Variants in SYNE2 observed in about 807,000 individuals in gnomAD.
The protein encoded by SYNE2 is spectrin repeat containing nuclear envelope protein 2.
In SYNE2, 431 loss-of-function variants were observed where a neutral mutation model predicts 856.3. The observed-to-expected ratio is 0.50, with a 90% confidence interval of 0.47 to 0.55. SYNE2 has a LOEUF of 0.55. SYNE2 is among the 20% of genes least tolerant of loss of function. The pLI, the probability that SYNE2 is intolerant of heterozygous loss-of-function variation, is 0.00. For missense variants in SYNE2, 8,129 were observed against 8,023.2 expected (o/e 1.01, Z -0.50); for synonymous variants, 2,923 against 2,872.3 (o/e 1.02, Z -0.56).
intron 99 of SYNE2, among the ~76,000 whole-genome samples, chr14:64,198,304 T>A (rs1220427315): frequency 6.6e-6 from 1 of 152,226 alleles, no homozygotes; most frequent in Admixed American, 6.5e-5. Context: ...TTTCCAGATA[T>A]TAACTTGAGA....
chr14:63,763,210 C>T (rs1351043200), intron 1 of SYNE2, among the ~76,000 whole-genome samples: 3 of 152,118 alleles, frequency 2.0e-5, no homozygotes, highest in African/African-American at 4.8e-5. Flanking sequence ...TCAGGTGATC[C>T]GCCTGCCTCG....
intron 71 of SYNE2, among the ~76,000 whole-genome samples, chr14:64,126,077 A>G (rs1453299920): frequency 3.3e-5 from 5 of 152,148 alleles, no homozygotes; most frequent in Non-Finnish European, 7.3e-5. Flanking sequence ...TCATCTCATG[A>G]TTTACCTTTT....
Position 63,941,925 on chromosome 14 carries a change from A to C in SYNE2, c.278A>C (p.Asn93Thr). 1 of 1,613,314 alleles carries C rather than the reference A, an allele frequency of 6.2e-7. No homozygotes were observed. Among genetic ancestry groups the C allele is most frequent in the Non-Finnish European group, 8.5e-7 (1 of 1,179,970 alleles). The change falls in exon 5 of 116, where the codon AAT becomes ACT. Residue 93 changes from asparagine (N) to threonine (T), a missense_variant. This residue lies in a region of SYNE2 where 2,422 missense variants were observed against 2,357.4 expected (regional missense o/e 1.03). Coordinates refer to ENST00000555002, the MANE Select transcript of SYNE2 (RefSeq NM_182914.3). The stretch of plus-strand genomic sequence containing the variant: ...TCTAATACCTTCCAGTGTAGAATCA[A>C]TATAGAACATGCCTTGACATTCCTA... Reference protein sequence around the residue: ...KGSNTFQCRINIEHALTFLRN... With the variant: ...KGSNTFQCRITIEHALTFLRN...
At position 64,214,261 on chromosome 14, in the gene SYNE2, C is replaced by A; in HGVS notation, c.19124C>A (p.Thr6375Asn). The change falls in exon 106 of 116, where the codon ACT becomes AAT. Residue 6375 changes from threonine (T) to asparagine (N), a missense_variant. Coordinates refer to ENST00000555002, the MANE Select transcript of SYNE2 (RefSeq NM_182914.3). ...ATGGAAGACCCCAGAGAAATCCAGACTGATTCTTGGCGTAAACGGGGAGAG... is the reference window on the plus strand; with the variant it reads ...ATGGAAGACCCCAGAGAAATCCAGAATGATTCTTGGCGTAAACGGGGAGAG... ...TDMEDPREIQTDSWRKRGESE... is the reference protein window; with the variant it reads ...TDMEDPREIQNDSWRKRGESE... 6.2e-7 allele frequency: 1 copy of A among 1,614,072 alleles called. No homozygotes were observed.
Position 63,963,984 on chromosome 14 carries a change from A to G in SYNE2, c.974A>G (p.Tyr325Cys), listed in dbSNP as rs886955553. 1 of 1,598,384 alleles carries G rather than the reference A, an allele frequency of 6.3e-7. No homozygotes were observed. The highest frequency in any genetic ancestry group is 8.6e-7 in the Non-Finnish European group (1 of 1,166,318). ...CTAAAGGATTCAGAGAATGATACCT[A>G]CTTTAAAAAGTATAATGTAAGTATG... ...KLLKDSENDT[Y>C]FKKYNSLLSF... The change falls in exon 10 of 116, where the codon TAC becomes TGC. Residue 325 changes from tyrosine (Y) to cysteine (C), a missense_variant. Tyr to Cys is a radical substitution (Grantham distance 194). This residue lies in a region of SYNE2 where 2,422 missense variants were observed against 2,357.4 expected (regional missense o/e 1.03). Coordinates refer to ENST00000555002, the MANE Select transcript of SYNE2 (RefSeq NM_182914.3).
intron 1 of SYNE2, chr14:63,808,488 C>CAAAAAAAAAAA (rs1888475856): frequency 1.3e-5 from 2 of 152,588 alleles, no homozygotes; most frequent in Admixed American, 1.3e-4. Flanking sequence ...GACTCTGTCT[C>CAAAAAAAAAAA]AAAAACAAAC....
intron 1 of SYNE2, among the ~76,000 whole-genome samples, chr14:63,785,999 C>T (rs190152618): frequency 1.3e-3 from 201 of 152,218 alleles, no homozygotes; most frequent in African/African-American, 3.6e-3. Flanking sequence ...GCCTGTAATC[C>T]CAGCACTTTG....
At chr14:64,089,137 G>T (rs1246537202) in intron 58 of SYNE2, among the ~76,000 whole-genome samples, 3 of 151,966 alleles carry the variant, frequency 2.0e-5, no homozygotes, top group Non-Finnish European at 4.4e-5. Flanking sequence ...AGGCCGAGGC[G>T]GGTGGATCAC....
chr14:64,054,860 A>G (rs2097256781), intron 48 of SYNE2, among the ~76,000 whole-genome samples: 1 of 152,238 alleles, frequency 6.6e-6, no homozygotes, highest in East Asian at 1.9e-4. Flanking sequence ...AAGAGTTATT[A>G]TGAGATACTA....
chr14:63,819,815 C>T (rs893068635), intron 1 of SYNE2, among the ~76,000 whole-genome samples: 35 of 372 alleles, frequency 0.094, no homozygotes, highest in Non-Finnish European at 0.13. Flanking sequence ...GGATTACAGG[C>T]GTGAGCACCG....
rs1427810701 is a variant in SYNE2 at position 63,783,385 on chromosome 14, C to G, written c.-305+21399C>G. ...CCAGTCTCGGGCACTTCTTCTTCTTCTTTTTTTTCTGAGACTGAGTCTTGC... is the reference window on the plus strand; with the variant it reads ...CCAGTCTCGGGCACTTCTTCTTCTTGTTTTTTTTCTGAGACTGAGTCTTGC... On this transcript the variant is annotated intron_variant, in intron 1 of 23. Coordinates refer to the SYNE2 transcript ENST00000674003. Among the ~76,000 whole-genome samples the G allele has an allele frequency of 2.0e-5, 3 of 151,746 alleles. No individual in the cohort carries two copies. The East Asian group carries it at 5.8e-4, about 29-fold the overall frequency.
At position 63,978,955 on chromosome 14, in the gene SYNE2, A is replaced by G. The variant is rs1191054675; in HGVS notation, c.1510A>G (p.Ile504Val). The change falls in exon 14 of 116, where the codon ATT becomes GTT. Residue 504 changes from isoleucine to valine, a missense_variant. Ile to Val is a conservative substitution (Grantham distance 29). This residue lies in a region of SYNE2 where 2,422 missense variants were observed against 2,357.4 expected (regional missense o/e 1.03). Coordinates refer to ENST00000555002, the MANE Select transcript of SYNE2 (RefSeq NM_182914.3). ...AGATGAAGTGAAATCAAAATTGGAT[A>G]TTTGGAACATTAAATATGGGAGCAG... ...LVDEVKSKLD[I>V]WNIKYGSRES... The G allele has an allele frequency of 6.2e-7, 1 of 1,613,706 alleles. No homozygotes were observed. The highest frequency in any genetic ancestry group is 8.5e-7 in the Non-Finnish European group (1 of 1,179,830).
At chr14:63,888,792 A>AC in intron 1 of SYNE2, among the ~76,000 whole-genome samples, 1 of 152,232 alleles carries the variant, frequency 6.6e-6, no homozygotes, top group South Asian at 2.1e-4. Flanking sequence ...ATTTTTATGA[A>AC]CCATCAAGAT....
rs1298687676 is a variant in SYNE2 at position 64,147,506 on chromosome 14, A to G, written c.15639+1283A>G. Among the ~76,000 whole-genome samples, 5 of 152,292 alleles carry G rather than the reference A, an allele frequency of 3.3e-5. No homozygotes were observed. The East Asian group carries it at 9.6e-4, about 29-fold the overall frequency. On this transcript the variant is annotated intron_variant, in intron 84 of 115. Coordinates refer to ENST00000555002, the MANE Select transcript of SYNE2 (RefSeq NM_182914.3). Reference sequence around the variant, plus strand: ...GACCTAAGTCAAGTGAGTCTTACACAGTTGTTTCTCTTTTTGATAGATAAT... The same window carrying G: ...GACCTAAGTCAAGTGAGTCTTACACGGTTGTTTCTCTTTTTGATAGATAAT...
At chr14:63,907,717 G>GA (rs1354288797) in intron 1 of SYNE2, among the ~76,000 whole-genome samples, 3 of 152,130 alleles carry the variant, frequency 2.0e-5, no homozygotes, top group Non-Finnish European at 4.4e-5. Context: ...CAGAGTATGG[G>GA]AAGGGGTGGT....
intron 96 of SYNE2, among the ~76,000 whole-genome samples, chr14:64,184,235 C>G (rs373627113): frequency 2.0e-5 from 3 of 152,058 alleles, no homozygotes; most frequent in African/African-American, 7.2e-5. Context: ...ATGGCAGGTT[C>G]TGGGCACTGA....
chr14:64,088,149 C>T (rs1224588265), intron 58 of SYNE2, among the ~76,000 whole-genome samples: 1 of 152,200 alleles, frequency 6.6e-6, no homozygotes, highest in African/African-American at 2.4e-5. Flanking sequence ...CGCCACTGCA[C>T]TCCAGCCTGG....
chr14:64,045,345 G>A (rs1422149523), intron 45 of SYNE2, among the ~76,000 whole-genome samples: 2 of 150,132 alleles, frequency 1.3e-5, no homozygotes, highest in Non-Finnish European at 3.0e-5. Flanking sequence ...GAGACTAAGG[G>A]TTCTGCAATC....
chr14:63,803,153 A>G lies in SYNE2; in HGVS notation c.-305+41167A>G, dbSNP rs566140350. On this transcript the variant is annotated intron_variant, in intron 1 of 23. Coordinates refer to the SYNE2 transcript ENST00000674003. ...TGCGTTTACAATCCCTGCGCTAGAT[A>G]CTAAGGTTCTCCACCTCCCCACCAG... 5.9e-5 allele frequency among the ~76,000 whole-genome samples: 9 copies of G among 152,264 alleles called. No individual in the cohort carries two copies. The South Asian group carries it at 1.9e-3, about 32-fold the overall frequency.
Sources: gnomAD v4.1 joint callset for allele counts (sites outside exome capture counted in the v4.1 genomes callset) on GRCh38, gnomAD v4.1.1 for gene constraint, gnomAD v4.1.1 regional missense constraint, MANE v1.5 for transcripts, NCBI Gene and HGNC (gene_info 2026-07-23, HGNC 2026-07-21) for gene names.